The following ALCAM variants were observed in gnomAD, a reference collection of about 807,000 sequenced individuals.
ALCAM encodes the protein activated leukocyte cell adhesion molecule, also known as CD166 antigen.
ALCAM carries 30 observed loss-of-function variants against 70.9 expected under a neutral mutation model. That is an observed-to-expected ratio of 0.42 (90% CI 0.32 to 0.57). The LOEUF is 0.57. ALCAM is among the 20% of genes least tolerant of loss of function. ALCAM has a pLI of 0.11. For synonymous variants in ALCAM, 249 were observed against 242.5 expected, an observed-to-expected ratio of 1.03 and a Z score of -0.25; for missense variants, 591 against 695.1, an observed-to-expected ratio of 0.85 and a Z score of 1.68.
At chr3:105,415,517 C>G (rs555364358) in intron 1 of ALCAM, among the ~76,000 whole-genome samples, 2 of 152,200 alleles carry the variant, frequency 1.3e-5, no homozygotes, top group Admixed American at 6.5e-5. Context: ...TGATCAGCCC[C>G]AAGGCCACAT....
intron 14 of ALCAM, chr3:105,553,136 C>A (rs1339718364): frequency 2.1e-6 from 2 of 948,774 alleles, no homozygotes; most frequent in Non-Finnish European, 2.5e-6. Flanking sequence ...GATTAAAGTA[C>A]CAACACTACA....
At chr3:105,552,017 T>TC (rs1940421745) in intron 12 of ALCAM, 127 bp from the exon 13 acceptor site, 1 of 585,224 alleles carries the variant, frequency 1.7e-6, no homozygotes, top group Non-Finnish European at 2.8e-6. Flanking sequence ...TTTTTTTTTT[T>TC]TTACTGTTAG....
intron 1 of ALCAM, among the ~76,000 whole-genome samples, chr3:105,478,976 ATCAT>A (rs1346376955): frequency 6.6e-6 from 1 of 152,142 alleles, no homozygotes; most frequent in African/African-American, 2.4e-5. Flanking sequence ...TTATTGGTGT[ATCAT>A]CAAGCCAGTC....
chr3:105,509,359 T>A (rs1939171770), intron 1 of ALCAM, among the ~76,000 whole-genome samples: 1 of 152,028 alleles, frequency 6.6e-6, no homozygotes, highest in Non-Finnish European at 1.5e-5. Context: ...TTTCTCTACA[T>A]CCTCATCAAT....
At position 105,576,697 on chromosome 3, in the gene ALCAM, A is replaced by G. The variant is rs1469211639; in HGVS notation, c.*2246A>G. ...AGCTTACTTGTTTAATGGCAGCCAC[A>G]TGCACGAAGATGCTAAGAAGAAAAA... On this transcript the variant is annotated 3_prime_UTR_variant, in exon 16 of 16. Transcript: ENST00000306107. 1 of 152,214 alleles carries G rather than the reference A, an allele frequency of 6.6e-6. No homozygotes were observed. The highest frequency in any genetic ancestry group is 1.5e-5 in the Non-Finnish European group (1 of 68,038). 9.4% of individuals were successfully genotyped at this position (152,214 alleles called of 1,614,324 possible). A position where few individuals can be genotyped will look rare whatever the true frequency, so the allele number is the denominator to read the frequency against.
At chr3:105,472,159 C>T (rs1937953063) in intron 1 of ALCAM, among the ~76,000 whole-genome samples, 1 of 149,442 alleles carries the variant, frequency 6.7e-6, no homozygotes, top group African/African-American at 2.5e-5. Context: ...AGATTATCAC[C>T]CTCATGTAGG....
chr3:105,552,806 G>C (rs749181593), intron 14 of ALCAM: 58 of 1,338,602 alleles, frequency 4.3e-5, no homozygotes, highest in Non-Finnish European at 5.4e-5. Flanking sequence ...CCGTTTATTT[G>C]TCTCAATCAA....
At chr3:105,385,242 T>C (rs375802139) in intron 1 of ALCAM, among the ~76,000 whole-genome samples, 1 of 151,620 alleles carries the variant, frequency 6.6e-6, no homozygotes, top group South Asian at 2.1e-4. Context: ...CTTATTTTAG[T>C]ATATGTAAAT....
Position 105,541,732 on chromosome 3 carries a change from A to G in ALCAM, c.958A>G (p.Ser320Gly), listed in dbSNP as rs760553135. The change falls in exon 8 of 16, where the codon AGC becomes GGC. Residue 320 changes from serine (S) to glycine (G), a missense_variant. Physicochemically the swap from Ser to Gly is moderately conservative, Grantham distance 56. This residue lies in a region of ALCAM where 427 missense variants were observed against 450.4 expected (regional missense o/e 0.95). Transcript: ENST00000306107. Reference sequence around the variant, plus strand: ...CAAGTGTTCCCTGATAGACAAAAAAAGCATGATTGCTTCAACAGCTATCAC... The same window carrying G: ...CAAGTGTTCCCTGATAGACAAAAAAGGCATGATTGCTTCAACAGCTATCAC... ...DYKCSLIDKKSMIASTAITVH... is the reference protein window; with the variant it reads ...DYKCSLIDKKGMIASTAITVH... The G allele has an allele frequency of 1.9e-6, 3 of 1,612,304 alleles. No individual in the cohort carries two copies. Among genetic ancestry groups the G allele is most frequent in the Non-Finnish European group, 2.5e-6 (3 of 1,178,806 alleles).
At chr3:105,446,001 C>T (rs1192568618) in intron 1 of ALCAM, among the ~76,000 whole-genome samples, 1 of 152,070 alleles carries the variant, frequency 6.6e-6, no homozygotes. Flanking sequence ...AATGTAAATG[C>T]TCCTGTACAC....
chr3:105,519,345 G>C (rs184110001), intron 1 of ALCAM, among the ~76,000 whole-genome samples: 1 of 151,864 alleles, frequency 6.6e-6, no homozygotes, highest in Admixed American at 6.5e-5. Flanking sequence ...TAAATAAGAT[G>C]AGGCAGTTTT....
intron 14 of ALCAM, among the ~76,000 whole-genome samples, chr3:105,558,254 G>T (rs924806824): frequency 6.6e-6 from 1 of 152,094 alleles, no homozygotes; most frequent in African/African-American, 2.4e-5. Context: ...TAACTAGCAA[G>T]AAATAAGGAT....
intron 1 of ALCAM, among the ~76,000 whole-genome samples, chr3:105,406,011 T>A (rs1201728065): frequency 2.0e-5 from 3 of 152,110 alleles, no homozygotes; most frequent in African/African-American, 7.2e-5. Context: ...CTAGACCAAT[T>A]CAAAATTATA....
chr3:105,514,582 T>A (rs2152621047), intron 1 of ALCAM, among the ~76,000 whole-genome samples: 1 of 152,096 alleles, frequency 6.6e-6, no homozygotes, highest in Admixed American at 6.6e-5. Flanking sequence ...TATTGTTTAA[T>A]AAAAAGATAA....
At chr3:105,432,512 G>A (rs570254038) in intron 1 of ALCAM, among the ~76,000 whole-genome samples, 5 of 151,920 alleles carry the variant, frequency 3.3e-5, no homozygotes, top group African/African-American at 9.7e-5. Context: ...TAGATATTCC[G>A]ATTTTCTCTT....
Position 105,461,588 on chromosome 3 carries a change from G to T in ALCAM, c.74-58479G>T, listed in dbSNP as rs565847427. Among the ~76,000 whole-genome samples the T allele has an allele frequency of 2.0e-5, 3 of 151,832 alleles. No individual in the cohort carries two copies. The East Asian group carries it at 5.8e-4, about 29-fold the overall frequency. On this transcript the variant is annotated intron_variant, in intron 1 of 15. Transcript: ENST00000306107. ...TAACCAAAATTATGTGAAGAAGTGG[G>T]GCTTTGCCTGAAACTTGAGGAATGA...
chr3:105,476,538 C>T (rs879369333), intron 1 of ALCAM, among the ~76,000 whole-genome samples: 3 of 151,972 alleles, frequency 2.0e-5, no homozygotes, highest in African/African-American at 4.8e-5. Context: ...AGTTAGTATA[C>T]TTTACTGGTT....
chr3:105,532,847 G>C (rs2152626996), intron 4 of ALCAM, among the ~76,000 whole-genome samples: 1 of 152,260 alleles, frequency 6.6e-6, no homozygotes, highest in South Asian at 2.1e-4. Flanking sequence ...ATACTAAATA[G>C]GGAGTTTGGA....
At chr3:105,465,703 T>A (rs1334422393) in intron 1 of ALCAM, among the ~76,000 whole-genome samples, 1 of 151,460 alleles carries the variant, frequency 6.6e-6, no homozygotes, top group Non-Finnish European at 1.5e-5. Flanking sequence ...CTCCTACTGG[T>A]TTTTTTAAGT....
Sources: allele counts gnomAD v4.1 joint callset (sites outside exome capture counted in the v4.1 genomes callset), GRCh38; gene constraint gnomAD v4.1.1; regional missense constraint gnomAD v4.1.1; transcripts MANE v1.5; gene names NCBI Gene and HGNC (gene_info 2026-07-23, HGNC 2026-07-21).